Variants in PTDSS2 observed in about 807,000 individuals in gnomAD.
PTDSS2 encodes the protein PSS-2.
In PTDSS2, 41 loss-of-function variants were observed where a neutral mutation model predicts 64.7. That is an observed-to-expected ratio of 0.63 (90% CI 0.49 to 0.82). The LOEUF is 0.82. Ranked by LOEUF, PTDSS2 falls within the 40% of genes least tolerant of loss-of-function variation. The probability of loss-of-function intolerance (pLI) is 0.00; values close to 1 mark genes in which losing one functional copy is unlikely to be tolerated. For synonymous variants in PTDSS2, 297 were observed against 277.8 expected, an observed-to-expected ratio of 1.07 and a Z score of -0.69; for missense variants, 485 against 650.0, an observed-to-expected ratio of 0.75 and a Z score of 2.76.
chr11:490,585 T>G lies in PTDSS2; in HGVS notation c.*3T>G. 1 of 1,582,706 alleles carries G rather than the reference T, an allele frequency of 6.3e-7. No individual in the cohort carries two copies. Among genetic ancestry groups the G allele is most frequent in the Non-Finnish European group, 8.6e-7 (1 of 1,164,692 alleles). On this transcript the variant is annotated 3_prime_UTR_variant, in exon 12 of 12. Coordinates refer to ENST00000308020, the MANE Select transcript of PTDSS2 (RefSeq NM_030783.3). ...AGGGAGCACCAACTCCAAACTGACC[T>G]GGGCCGTGGCTGCCTCGTGAGCCTC...
intron 8 of PTDSS2, 62 bp from the exon 9 acceptor site, chr11:489,338 G>A (rs991736685): frequency 3.6e-5 from 50 of 1,407,940 alleles, no homozygotes; most frequent in Middle Eastern, 1.8e-4. Context: ...TCTGTTGCCC[G>A]ATGGCACAGG....
chr11:478,693 A>C (rs1847924874), intron 3 of PTDSS2, among the ~76,000 whole-genome samples: 1 of 151,640 alleles, frequency 6.6e-6, no homozygotes, highest in African/African-American at 2.4e-5. Flanking sequence ...CAGTGAGCTG[A>C]GATTGCACCA....
Position 461,609 on chromosome 11 carries a change from C to T in PTDSS2, c.284+1321C>T, listed in dbSNP as rs1172669267. Reference sequence around the variant, plus strand: ...GGTTCTCTCCCACCTTGCTGTCATCCCTCTCCCAGTCAGCTTTGCTGGCCC... The same window carrying T: ...GGTTCTCTCCCACCTTGCTGTCATCTCTCTCCCAGTCAGCTTTGCTGGCCC... On this transcript the variant is annotated intron_variant, in intron 2 of 11. Coordinates refer to ENST00000308020, the MANE Select transcript of PTDSS2 (RefSeq NM_030783.3). This position sits in a 1 kb window ranked among gnomAD's most constrained non-coding sequence, Gnocchi z 4.2. Among the ~76,000 whole-genome samples the T allele has an allele frequency of 6.6e-6, 1 of 152,174 alleles. No individual in the cohort carries two copies. The highest frequency in any genetic ancestry group is 1.9e-4 in the East Asian group (1 of 5,188).
chr11:488,373 CT>C, intron 7 of PTDSS2, 61 bp downstream of exon 7: 1 of 1,461,098 alleles, frequency 6.8e-7, no homozygotes, highest in Non-Finnish European at 9.5e-7. Flanking sequence ...CTCGGAACCC[CT>C]GTGCCCAGCG....
chr11:475,453 A>G (rs112222350), intron 3 of PTDSS2, among the ~76,000 whole-genome samples: 2 of 151,098 alleles, frequency 1.3e-5, no homozygotes, highest in Non-Finnish European at 1.5e-5. Flanking sequence ...TTTGTGTGAT[A>G]CGGATATATT....
At chr11:489,253 G>C (rs150670763) in intron 8 of PTDSS2, 147 bp from the exon 9 acceptor site, 1 of 661,980 alleles carries the variant, frequency 1.5e-6, no homozygotes, top group Non-Finnish European at 2.6e-6. Flanking sequence ...TGGCCCGATG[G>C]CACAGGGCGG....
chr11:490,780 G>A lies in PTDSS2; in HGVS notation c.*198G>A, dbSNP rs971649471. 4.6e-5 allele frequency: 28 copies of A among 610,956 alleles called. No homozygotes were observed. Among genetic ancestry groups the A allele is most frequent in the Middle Eastern group, 4.3e-4 (1 of 2,324 alleles). 37.8% of individuals were successfully genotyped at this position (610,956 alleles called of 1,614,324 possible). ...CATCTCCATGTGTACACGTGTGTAC[G>A]TGTGTATGCGTGTGTGTACGCGTGT... On this transcript the variant is annotated 3_prime_UTR_variant, in exon 12 of 12. Transcript: ENST00000308020.
chr11:475,442 G>T (rs796067093), intron 3 of PTDSS2, among the ~76,000 whole-genome samples: 1 of 92,612 alleles, frequency 1.1e-5, no homozygotes, highest in South Asian at 3.2e-4. Context: ...ACATTCACGC[G>T]TTTGTGTGAT....
chr11:452,674 A>G (rs549829592), intron 1 of PTDSS2, among the ~76,000 whole-genome samples: 5 of 152,038 alleles, frequency 3.3e-5, no homozygotes, highest in South Asian at 2.1e-4. Context: ...GTAGAGACGC[A>G]TGGGGCAGGT....
rs1243837950 is a variant in PTDSS2, at chr11:476,966, TCACAA to T, written c.368-2114_368-2110del. ...GCAGGGAGCCCTCAACTCTCTGCAG[TCACAA>T]CACATTGAAGTGGACAAGTGATGAG... On this transcript the variant is annotated intron_variant, in intron 3 of 11. Transcript: ENST00000308020. This position sits in a 1 kb window ranked among gnomAD's most constrained non-coding sequence, Gnocchi z 4.9. Among the ~76,000 whole-genome samples the T allele has an allele frequency of 1.3e-5, 2 of 152,006 alleles. No homozygotes were observed. The highest frequency in any genetic ancestry group is 1.5e-5 in the Non-Finnish European group (1 of 67,994).
rs1012615386 is a variant in PTDSS2, at chr11:461,882, G to A, written c.284+1594G>A. On this transcript the variant is annotated intron_variant, in intron 2 of 11. Transcript: ENST00000308020. The surrounding 1 kb of genome is among the most constrained non-coding windows in gnomAD (Gnocchi z 4.2). ...GGGACGCTGGACCTGTGGCTCTGGA[G>A]GCAGTGAGGCAGTGGGCAGGAGCCC... is the stretch of plus-strand genomic sequence containing the variant. Among the ~76,000 whole-genome samples the A allele has an allele frequency of 1.3e-5, 2 of 152,194 alleles. No homozygotes were observed. The highest frequency in any genetic ancestry group is 2.9e-5 in the Non-Finnish European group (2 of 68,030).
At chr11:454,545 G>A (rs1037176092) in intron 1 of PTDSS2, among the ~76,000 whole-genome samples, 1 of 152,140 alleles carries the variant, frequency 6.6e-6, no homozygotes, top group Non-Finnish European at 1.5e-5. Flanking sequence ...CAAGTTTTAC[G>A]CCTGTAATCC....
intron 1 of PTDSS2, among the ~76,000 whole-genome samples, chr11:455,524 G>A (rs773121377): frequency 1.3e-5 from 2 of 152,184 alleles, no homozygotes; most frequent in Non-Finnish European, 2.9e-5. Context: ...CCTCCTACAA[G>A]GTGACCTCGT....
chr11:485,524 G>C (rs1466965791), intron 4 of PTDSS2, among the ~76,000 whole-genome samples: 2 of 116,902 alleles, frequency 1.7e-5, no homozygotes, highest in African/African-American at 6.7e-5. Flanking sequence ...TGTGCTCACC[G>C]TGTGCGCAGG....
Position 488,511 on chromosome 11 carries a change from G to T in PTDSS2, c.736-18G>T. On this transcript the variant is annotated intron_variant, in intron 7 of 11. Coordinates refer to ENST00000308020, the MANE Select transcript of PTDSS2 (RefSeq NM_030783.3). ...GTTACCCCTCACCCCTGCAACGAGT[G>T]CTGGCCCCTCCCTGCAGTGGATCAT... The T allele has an allele frequency of 6.2e-7, 1 of 1,605,536 alleles. No individual in the cohort carries two copies. Among genetic ancestry groups the T allele is most frequent in the African/African-American group, 1.3e-5 (1 of 74,860 alleles).
chr11:464,229 C>G lies in PTDSS2; in HGVS notation c.284+3941C>G, dbSNP rs114063850. 4.7e-3 allele frequency among the ~76,000 whole-genome samples: 717 copies of G among 152,198 alleles called. 4 individuals are homozygous for G. The highest frequency in any genetic ancestry group is 0.017 in the African/African-American group (690 of 41,520). The stretch of plus-strand genomic sequence containing the variant: ...AACTCCTGAGCACAGACAGTACACC[C>G]GCCTCAGCCTCCCAAATTGCTAGGA... On this transcript the variant is annotated intron_variant, in intron 2 of 11. Transcript: ENST00000308020.
chr11:463,752 T>C (rs1261925651), intron 2 of PTDSS2: 1 of 152,172 alleles, frequency 6.6e-6, no homozygotes, highest in Non-Finnish European at 1.5e-5. Flanking sequence ...TTCACCGTGT[T>C]AGCCAGGATG....
chr11:481,937 G>A (rs1848088548), intron 4 of PTDSS2, among the ~76,000 whole-genome samples: 1 of 151,420 alleles, frequency 6.6e-6, no homozygotes, highest in African/African-American at 2.4e-5. Flanking sequence ...CCGCCTCCCA[G>A]GTTCAAGCAA....
At chr11:458,230 A>T in intron 1 of PTDSS2, among the ~76,000 whole-genome samples, 1 of 147,928 alleles carries the variant, frequency 6.8e-6, no homozygotes. Flanking sequence ...TTTGAGATTG[A>T]GTCTCGCTCT....
Sources: allele counts gnomAD v4.1 joint callset (sites outside exome capture counted in the v4.1 genomes callset), GRCh38; gene constraint gnomAD v4.1.1; non-coding constraint Gnocchi (gnomAD v3.1); transcripts MANE v1.5; gene names NCBI Gene and HGNC (gene_info 2026-07-23, HGNC 2026-07-21).